The following C1orf21 variants were observed in gnomAD, a reference collection of about 807,000 sequenced individuals.
C1orf21 encodes chromosome 1 open reading frame 21.
A neutral mutation model predicts 18.7 loss-of-function variants in C1orf21; 3 were observed. The ratio of observed to expected loss-of-function variants is 0.16; its 90% CI spans 0.07 to 0.42. The LOEUF (loss-of-function observed/expected upper bound fraction) is 0.42, where lower values mean the gene tolerates loss of function less well. C1orf21 is among the 10% of genes least tolerant of loss of function. The pLI is 0.99. For missense variants in C1orf21, 104 were observed against 143.6 expected, an observed-to-expected ratio of 0.72 and a Z score of 1.41; for synonymous variants, 41 against 46.4, an observed-to-expected ratio of 0.88 and a Z score of 0.47.
At chr1:184,592,577 G>C (rs1659454399) in intron 4 of C1orf21, among the ~76,000 whole-genome samples, 1 of 152,162 alleles carries the variant, frequency 6.6e-6, no homozygotes, top group South Asian at 2.1e-4. Context: ...CCTAAATGGA[G>C]ACAAATTTCC....
chr1:184,461,514 T>A (rs1657307422), intron 1 of C1orf21, among the ~76,000 whole-genome samples: 2 of 151,974 alleles, frequency 1.3e-5, no homozygotes, highest in Non-Finnish European at 2.9e-5. Context: ...TGGCCAGGAG[T>A]CAGCTAATGT....
intron 2 of C1orf21, among the ~76,000 whole-genome samples, chr1:184,503,974 A>G (rs922248044): frequency 2.3e-4 from 35 of 152,218 alleles, no homozygotes; most frequent in Non-Finnish European, 4.3e-4. Flanking sequence ...TGAGATCAGA[A>G]GGGATCTTAC....
intron 3 of C1orf21, among the ~76,000 whole-genome samples, chr1:184,517,574 G>A (rs1019511937): frequency 6.6e-5 from 10 of 152,158 alleles, no homozygotes; most frequent in Non-Finnish European, 1.3e-4. Context: ...GTCAAGCTAT[G>A]TGAAGTACTA....
chr1:184,402,092 G>T (rs1656162125), intron 1 of C1orf21, among the ~76,000 whole-genome samples: 1 of 152,018 alleles, frequency 6.6e-6, no homozygotes, highest in Admixed American at 6.6e-5. Flanking sequence ...ATACCTAATT[G>T]AATATCCATT....
intron 1 of C1orf21, among the ~76,000 whole-genome samples, chr1:184,388,135 A>AGTTTTT (rs1377236631): frequency 1.3e-5 from 2 of 152,024 alleles, no homozygotes; most frequent in Non-Finnish European, 2.9e-5. Flanking sequence ...ACGGAGGGTT[A>AGTTTTT]GTTTTTGTTT....
intron 3 of C1orf21, among the ~76,000 whole-genome samples, chr1:184,517,318 C>G (rs1351284699): frequency 6.6e-6 from 1 of 152,172 alleles, no homozygotes; most frequent in Non-Finnish European, 1.5e-5. Flanking sequence ...TCCTATGACT[C>G]TGTAGAGCAG....
chr1:184,607,585 CAT>C (rs1483102728), intron 5 of C1orf21, among the ~76,000 whole-genome samples: 13 of 151,510 alleles, frequency 8.6e-5, no homozygotes, highest in Non-Finnish European at 1.8e-4. Context: ...AGTTAAGAGA[CAT>C]AAACCAAGCA....
intron 2 of C1orf21, among the ~76,000 whole-genome samples, chr1:184,503,458 C>T (rs1448983010): frequency 2.0e-5 from 3 of 151,966 alleles, no homozygotes; most frequent in Non-Finnish European, 4.4e-5. Context: ...TTAGTCTTCC[C>T]CTCAAGACAG....
At chr1:184,540,196 A>C (rs1434666268) in intron 3 of C1orf21, 1 of 152,232 alleles carries the variant, frequency 6.6e-6, no homozygotes, top group South Asian at 2.1e-4. Context: ...TGCATAATGC[A>C]TGTATCTTTT....
intron 1 of C1orf21, among the ~76,000 whole-genome samples, chr1:184,439,456 A>C (rs1383018700): frequency 6.6e-6 from 1 of 151,240 alleles, no homozygotes; most frequent in African/African-American, 2.4e-5. Flanking sequence ...CCCTTGCTCT[A>C]CATCACTCCA....
intron 3 of C1orf21, among the ~76,000 whole-genome samples, chr1:184,564,706 A>T (rs1025682751): frequency 2.0e-5 from 3 of 152,202 alleles, no homozygotes; most frequent in African/African-American, 7.2e-5. Flanking sequence ...ATTTCTTAGC[A>T]AACCCAAGAA....
chr1:184,388,199 T>G (rs139296013), intron 1 of C1orf21, among the ~76,000 whole-genome samples: 2 of 152,310 alleles, frequency 1.3e-5, no homozygotes, highest in Non-Finnish European at 1.5e-5. Context: ...AGTCCTGGGC[T>G]TAAGGGCTCT....
chr1:184,420,934 C>G (rs2101966585), intron 1 of C1orf21, among the ~76,000 whole-genome samples: 1 of 152,192 alleles, frequency 6.6e-6, no homozygotes, highest in Non-Finnish European at 1.5e-5. Context: ...TTCTTGCTTC[C>G]TTTCTGTTAC....
chr1:184,444,382 G>T (rs550220368), intron 1 of C1orf21, among the ~76,000 whole-genome samples: 5 of 152,238 alleles, frequency 3.3e-5, no homozygotes, highest in African/African-American at 1.2e-4. Flanking sequence ...TGTTCTTGTG[G>T]TAGTGAATAC....
Position 184,474,084 on chromosome 1 carries a change from G to A in C1orf21, c.-124-3302G>A, listed in dbSNP as rs1055591578. ...TAACTTTGTGAATTAGAGATCTTTT[G>A]CCCCTCAAATGACTTCATAATTATC... is the stretch of plus-strand genomic sequence containing the variant. On this transcript the variant is annotated intron_variant, in intron 1 of 5. Coordinates refer to ENST00000235307, the MANE Select transcript of C1orf21 (RefSeq NM_030806.4). Among the ~76,000 whole-genome samples, 8 of 152,146 alleles carry A rather than the reference G, an allele frequency of 5.3e-5. No individual in the cohort carries two copies. The East Asian group carries it at 1.5e-3, about 29-fold the overall frequency.
At chr1:184,548,792 A>G (rs1272600153) in intron 3 of C1orf21, among the ~76,000 whole-genome samples, 1 of 152,218 alleles carries the variant, frequency 6.6e-6, no homozygotes, top group Non-Finnish European at 1.5e-5. Context: ...ACAAGCCAGT[A>G]GTAATAGCAG....
intron 1 of C1orf21, among the ~76,000 whole-genome samples, chr1:184,442,128 T>A (rs1656957988): frequency 6.6e-6 from 1 of 152,200 alleles, no homozygotes; most frequent in South Asian, 2.1e-4. Flanking sequence ...ATCTGTAAAA[T>A]GGAAATAATA....
chr1:184,416,826 T>C (rs1345653692), intron 1 of C1orf21, among the ~76,000 whole-genome samples: 4 of 152,304 alleles, frequency 2.6e-5, no homozygotes, highest in African/African-American at 9.6e-5. Context: ...AATGGAGCAA[T>C]GTTTTTCATC....
intron 1 of C1orf21, among the ~76,000 whole-genome samples, chr1:184,403,163 C>T (rs1656190628): frequency 6.6e-6 from 1 of 152,170 alleles, no homozygotes; most frequent in South Asian, 2.1e-4. Flanking sequence ...CACAAAGTAA[C>T]ACTGTTGATA....
Sources: gnomAD v4.1 joint callset for allele counts (sites outside exome capture counted in the v4.1 genomes callset) on GRCh38, gnomAD v4.1.1 for gene constraint, MANE v1.5 for transcripts, NCBI Gene and HGNC (gene_info 2026-07-23, HGNC 2026-07-21) for gene names.